Variants in MRTFA observed in about 807,000 individuals in gnomAD.
The protein encoded by MRTFA is myocardin related transcription factor A, also known as myocardin-related transcription factor A.
A neutral mutation model predicts 83.5 loss-of-function variants in MRTFA; 20 were observed. That is an observed-to-expected ratio of 0.24 (90% confidence interval 0.17 to 0.35). The LOEUF (loss-of-function observed/expected upper bound fraction) is 0.35. Among genes scored for constraint, MRTFA ranks in the 10% least tolerant of loss-of-function variants. The pLI, the probability that MRTFA is intolerant of heterozygous loss-of-function variation, is 1.00. For missense variants in MRTFA, 1,200 were observed against 1,224.7 expected, an observed-to-expected ratio of 0.98 and a Z score of 0.30; for synonymous variants, 659 against 541.2, an observed-to-expected ratio of 1.22 and a Z score of -3.02.
At chr22:40,546,244 C>A (rs933006607) in intron 3 of MRTFA, among the ~76,000 whole-genome samples, 1 of 152,178 alleles carries the variant, frequency 6.6e-6, no homozygotes, top group African/African-American at 2.4e-5. Context: ...AAACAAATGA[C>A]CATGCAAAAA....
chr22:40,432,709 C>T (rs944363717), intron 5 of MRTFA, among the ~76,000 whole-genome samples: 3 of 151,576 alleles, frequency 2.0e-5, no homozygotes, highest in African/African-American at 7.3e-5. Context: ...AAGACTTGTC[C>T]TCACCTAGCC....
At chr22:40,489,926 C>T (rs1207051474) in intron 3 of MRTFA, among the ~76,000 whole-genome samples, 3 of 145,524 alleles carry the variant, frequency 2.1e-5, no homozygotes, top group Admixed American at 1.4e-4. Context: ...GGGCAGAGAT[C>T]GCGCCACTGC....
At chr22:40,518,982 C>T (rs1317914615) in intron 3 of MRTFA, among the ~76,000 whole-genome samples, 2 of 148,466 alleles carry the variant, frequency 1.3e-5, no homozygotes, top group Non-Finnish European at 3.0e-5. Flanking sequence ...GTTTTGGAGG[C>T]TTTTGGTGGT....
intron 3 of MRTFA, among the ~76,000 whole-genome samples, chr22:40,510,369 G>A (rs2054648385): frequency 1.3e-5 from 2 of 152,242 alleles, no homozygotes; most frequent in African/African-American, 2.4e-5. Flanking sequence ...TGATCACAAA[G>A]AAGGCAAGCT....
chr22:40,457,489 G>GAAAGAAGGAAA (rs1569276004), intron 4 of MRTFA, among the ~76,000 whole-genome samples: 1 of 65,712 alleles, frequency 1.5e-5, no homozygotes, highest in Admixed American at 1.7e-4. Context: ...AAAGAAAGAA[G>GAAAGAAGGAAA]GAAAGAAAGA....
At chr22:40,437,580 T>C (rs1367521764) in intron 4 of MRTFA, among the ~76,000 whole-genome samples, 1 of 151,940 alleles carries the variant, frequency 6.6e-6, no homozygotes, top group African/African-American at 2.4e-5. Context: ...GCCAACATGG[T>C]GAAACCCCGT....
intron 2 of MRTFA, among the ~76,000 whole-genome samples, chr22:40,558,275 G>C (rs555439081): frequency 1.1e-3 from 19 of 17,564 alleles, no homozygotes; most frequent in African/African-American, 3.7e-3. Context: ...TTTTTTTTTT[G>C]CAAGGGGTTG....
At chr22:40,533,940 CAT>C (rs1190426052) in intron 3 of MRTFA, 4 of 280,000 alleles carry the variant, frequency 1.4e-5, no homozygotes, top group Non-Finnish European at 2.7e-5. Flanking sequence ...AGGGGAGAGA[CAT>C]ATATAAAGAG....
At chr22:40,571,995 T>C (rs1199408855) in intron 2 of MRTFA, among the ~76,000 whole-genome samples, 2 of 139,602 alleles carry the variant, frequency 1.4e-5, no homozygotes, top group Non-Finnish European at 3.1e-5. Flanking sequence ...CACTAGTCAT[T>C]AGGAAATAAT....
chr22:40,420,553 CT>C lies in MRTFA; in HGVS notation c.1204del (p.Ser402AlafsTer35). The C allele has an allele frequency of 6.2e-7, 1 of 1,613,522 alleles. No individual in the cohort carries two copies. Among genetic ancestry groups the C allele is most frequent in the Non-Finnish European group, 8.5e-7 (1 of 1,180,004 alleles). On this transcript the variant is annotated frameshift_variant, in exon 11 of 15. Transcript: ENST00000355630. LOFTEE classifies it high-confidence loss of function. The stretch of plus-strand genomic sequence containing the variant: ...GCTGCGTACTGGGGGGGTCCCGCTG[CT>C]TCCCAGGGCCTCGCCTGCTGACCTG...
intron 1 of MRTFA, among the ~76,000 whole-genome samples, chr22:40,599,262 C>A (rs574604764): frequency 3.3e-5 from 5 of 152,188 alleles, no homozygotes; most frequent in Admixed American, 2.6e-4. Context: ...CGGGCCATTG[C>A]ACTTCAGCCT....
At chr22:40,518,043 G>T (rs142699566) in intron 3 of MRTFA, among the ~76,000 whole-genome samples, 3 of 152,220 alleles carry the variant, frequency 2.0e-5, no homozygotes, top group African/African-American at 7.2e-5. Context: ...CCCAGAGAAG[G>T]CATGGGAGCA....
chr22:40,497,574 A>G (rs894868406), intron 3 of MRTFA, among the ~76,000 whole-genome samples: 14 of 151,538 alleles, frequency 9.2e-5, no homozygotes, highest in African/African-American at 2.4e-4. Context: ...CCAACATGGT[A>G]AAACCCCATC....
At chr22:40,502,013 A>T (rs1370261629) in intron 3 of MRTFA, among the ~76,000 whole-genome samples, 2 of 66,978 alleles carry the variant, frequency 3.0e-5, no homozygotes, top group African/African-American at 7.0e-5. Flanking sequence ...CGGACGGGGC[A>T]GCTGGCCAGG....
intron 3 of MRTFA, among the ~76,000 whole-genome samples, chr22:40,480,681 G>T (rs567162671): frequency 6.6e-6 from 1 of 151,122 alleles, no homozygotes; most frequent in Middle Eastern, 3.4e-3. Context: ...ATGATGGTTC[G>T]CACCTGTAAT....
At chr22:40,451,211 A>G (rs979552513) in intron 4 of MRTFA, among the ~76,000 whole-genome samples, 11 of 152,180 alleles carry the variant, frequency 7.2e-5, no homozygotes, top group African/African-American at 2.7e-4. Context: ...CTGACACACT[A>G]AAAATGCCTA....
intron 4 of MRTFA, among the ~76,000 whole-genome samples, chr22:40,442,768 T>C (rs972274592): frequency 6.6e-6 from 1 of 151,926 alleles, no homozygotes; most frequent in Non-Finnish European, 1.5e-5. Context: ...ATGAATTGAA[T>C]AGGAACACCA....
At chr22:40,603,010 A>G (rs2056278053) in intron 1 of MRTFA, among the ~76,000 whole-genome samples, 1 of 152,214 alleles carries the variant, frequency 6.6e-6, no homozygotes. Context: ...ATATTTGCTG[A>G]AAAAATAGTG....
At chr22:40,469,895 T>A (rs548213173) in intron 3 of MRTFA, among the ~76,000 whole-genome samples, 1 of 151,760 alleles carries the variant, frequency 6.6e-6, no homozygotes, top group Non-Finnish European at 1.5e-5. Context: ...CTGGGCAAAA[T>A]AGCAAGACCC....
Sources: allele counts gnomAD v4.1 joint callset (sites outside exome capture counted in the v4.1 genomes callset), GRCh38; gene constraint gnomAD v4.1.1; transcripts MANE v1.5; gene names NCBI Gene and HGNC (gene_info 2026-07-23, HGNC 2026-07-21).